Variants in FMN1 observed in about 807,000 individuals in gnomAD.
The protein encoded by FMN1 is formin 1, also known as formin-1.
In FMN1, 110 loss-of-function variants were observed where a neutral mutation model predicts 132.4. The observed-to-expected ratio is 0.83, with a 90% CI of 0.71 to 0.97. The LOEUF is 0.97. FMN1 is among the 50% of genes least tolerant of loss of function. The probability of loss-of-function intolerance (pLI) is 0.00; values close to 1 mark genes in which losing one functional copy is unlikely to be tolerated. For synonymous variants in FMN1, 722 were observed against 651.7 expected (o/e 1.11, Z -1.64); for missense variants, 1,792 against 1,705.3 (o/e 1.05, Z -0.90).
intron 4 of FMN1, among the ~76,000 whole-genome samples, chr15:33,124,024 A>T (rs1387374427): frequency 6.6e-6 from 1 of 152,190 alleles, no homozygotes; most frequent in Non-Finnish European, 1.5e-5. Flanking sequence ...ATTCCAGCAA[A>T]GGACTGGGGA....
At position 33,054,947 on chromosome 15, in the gene FMN1, C is replaced by G. The variant is rs377469676; in HGVS notation, c.2161+10010G>C. On this transcript the variant is annotated intron_variant, in intron 6 of 20. Coordinates refer to ENST00000616417, the MANE Select transcript of FMN1 (RefSeq NM_001277313.2). Reference sequence around the variant, plus strand: ...TGATTACAGAGTTATAGTTGTAAACCAAAAATAAAATTTGAAGCCCTCCAA... The same window carrying G: ...TGATTACAGAGTTATAGTTGTAAACGAAAAATAAAATTTGAAGCCCTCCAA... 6.8e-4 allele frequency among the ~76,000 whole-genome samples: 103 copies of G among 152,120 alleles called. 4 individuals carry two copies. The South Asian group carries it at 0.021, about 32-fold the overall frequency.
intron 5 of FMN1, 92 bp downstream of exon 5, chr15:33,088,707 G>C: frequency 1.8e-6 from 2 of 1,130,624 alleles, no homozygotes; most frequent in South Asian, 3.8e-5. Flanking sequence ...ATTAAATGCA[G>C]CTTTATATAC....
intron 3 of FMN1, among the ~76,000 whole-genome samples, chr15:33,155,482 C>T (rs1005878850): frequency 4.6e-5 from 7 of 152,096 alleles, no homozygotes; most frequent in African/African-American, 1.4e-4. Flanking sequence ...AAAGGTAGAT[C>T]GATCAAGCCT....
intron 4 of FMN1, among the ~76,000 whole-genome samples, chr15:33,144,205 T>C (rs1964118418): frequency 6.6e-6 from 1 of 152,222 alleles, no homozygotes; most frequent in African/African-American, 2.4e-5. Context: ...TGATTTAATT[T>C]AGAAAATTTT....
chr15:33,016,071 C>A (rs1451361815), intron 6 of FMN1, among the ~76,000 whole-genome samples: 1 of 152,138 alleles, frequency 6.6e-6, no homozygotes, highest in Non-Finnish European at 1.5e-5. Context: ...AGTTTGAGAA[C>A]CACTGCTTTA....
chr15:33,150,479 A>C (rs770446316), intron 4 of FMN1: 27 of 985,336 alleles, frequency 2.7e-5, no homozygotes, highest in Non-Finnish European at 3.3e-5. Flanking sequence ...GGAGATTCCC[A>C]TGCATCATCC....
In FMN1 at chr15:33,192,354, G is replaced by T. The variant is rs182483298; in HGVS notation, c.-197+1555C>A. ...ATGTCTGGAAAGGGAGGATGACCAGGATATGAGACCTACCCTTAGACAATC... is the reference window on the plus strand; with the variant it reads ...ATGTCTGGAAAGGGAGGATGACCAGTATATGAGACCTACCCTTAGACAATC... On this transcript the variant is annotated intron_variant, in intron 2 of 20. Transcript: ENST00000616417. 2.3e-4 allele frequency among the ~76,000 whole-genome samples: 35 copies of T among 152,292 alleles called. No homozygotes were observed. The East Asian group carries it at 3.3e-3, about 14-fold the overall frequency.
At chr15:33,123,028 T>C (rs957322436) in intron 4 of FMN1, among the ~76,000 whole-genome samples, 3 of 151,532 alleles carry the variant, frequency 2.0e-5, no homozygotes, top group South Asian at 2.1e-4. Flanking sequence ...AATCTGACCA[T>C]GTTCACACAA....
chr15:33,146,155 T>C (rs1964211959), intron 4 of FMN1, among the ~76,000 whole-genome samples: 1 of 152,066 alleles, frequency 6.6e-6, no homozygotes, highest in African/African-American at 2.4e-5. Context: ...ATCTCAGCGT[T>C]TGAAGTCCTC....
chr15:33,132,666 T>G (rs1291279300), intron 4 of FMN1, among the ~76,000 whole-genome samples: 1 of 152,212 alleles, frequency 6.6e-6, no homozygotes, highest in Non-Finnish European at 1.5e-5. Context: ...CAGCCTATTA[T>G]TCTTCTTGGT....
chr15:32,908,644 TG>T, intron 11 of FMN1, 66 bp from the exon 12 acceptor site: 1 of 967,634 alleles, frequency 1.0e-6, no homozygotes, highest in Non-Finnish European at 1.5e-6. Context: ...ACTCTGGCTA[TG>T]GCAGTGGGTC....
chr15:32,823,454 G>A (rs751144763), intron 17 of FMN1, among the ~76,000 whole-genome samples: 2 of 152,110 alleles, frequency 1.3e-5, no homozygotes, highest in Non-Finnish European at 1.5e-5. Flanking sequence ...GTGAGCCACT[G>A]CGCCCGGCCG....
intron 18 of FMN1, among the ~76,000 whole-genome samples, chr15:32,801,839 C>G (rs559481930): frequency 7.9e-5 from 12 of 152,258 alleles, no homozygotes; most frequent in African/African-American, 2.9e-4. Context: ...TATTTGATTT[C>G]ATTGTTATTC....
chr15:32,941,242 T>C (rs1374750716), intron 9 of FMN1, among the ~76,000 whole-genome samples: 1 of 152,224 alleles, frequency 6.6e-6, no homozygotes, highest in Non-Finnish European at 1.5e-5. Context: ...TCAGGAAAGA[T>C]AGTTCAGAAA....
intron 4 of FMN1, among the ~76,000 whole-genome samples, chr15:33,101,389 G>A (rs994498138): frequency 6.6e-6 from 1 of 151,770 alleles, no homozygotes; most frequent in African/African-American, 2.4e-5. Context: ...GCTTCCCTGG[G>A]CCACATTGGA....
chr15:32,912,738 T>G (rs1413798988), intron 10 of FMN1, among the ~76,000 whole-genome samples: 3 of 150,318 alleles, frequency 2.0e-5, no homozygotes, highest in African/African-American at 7.4e-5. Context: ...ATTCAAGGTA[T>G]AGAAAAAAAA....
intron 15 of FMN1, among the ~76,000 whole-genome samples, chr15:32,891,069 G>T (rs373833301): frequency 1.3e-5 from 2 of 152,128 alleles, no homozygotes; most frequent in African/African-American, 4.8e-5. Flanking sequence ...TTTATTTCTG[G>T]GTTTTCTGTT....
intron 16 of FMN1, among the ~76,000 whole-genome samples, chr15:32,885,973 CTGTA>C (rs1490590127): frequency 2.0e-5 from 3 of 152,064 alleles, no homozygotes; most frequent in African/African-American, 4.8e-5. Context: ...CAAATCTTTG[CTGTA>C]TGTGTGAAAA....
At chr15:33,166,548 T>C (rs981047394) in intron 3 of FMN1, among the ~76,000 whole-genome samples, 5 of 152,200 alleles carry the variant, frequency 3.3e-5, no homozygotes, top group African/African-American at 1.2e-4. Context: ...AGATACCTTC[T>C]AAGAAAAAAT....
Sources: gnomAD v4.1 joint callset for allele counts (sites outside exome capture counted in the v4.1 genomes callset) on GRCh38, gnomAD v4.1.1 for gene constraint, MANE v1.5 for transcripts, NCBI Gene and HGNC (gene_info 2026-07-23, HGNC 2026-07-21) for gene names.